Variants in KATNAL1 observed in about 807,000 individuals in gnomAD.
The protein encoded by KATNAL1 is katanin p60 ATPase-containing subunit A-like 1.
A neutral mutation model predicts 55.2 loss-of-function variants in KATNAL1; 32 were observed. That is an observed-to-expected ratio of 0.58 (90% CI 0.44 to 0.78). The LOEUF (loss-of-function observed/expected upper bound fraction) is 0.78, where lower values mean the gene tolerates loss of function less well. Ranked by LOEUF, KATNAL1 falls within the 30% of genes least tolerant of loss-of-function variation. The pLI is 0.00. For synonymous variants in KATNAL1, 193 were observed against 193.6 expected (o/e 1.00, Z 0.02); for missense variants, 466 against 600.9 (o/e 0.78, Z 2.35).
chr13:30,276,667 C>A (rs1274835004), intron 3 of KATNAL1, among the ~76,000 whole-genome samples: 2 of 152,060 alleles, frequency 1.3e-5, no homozygotes, highest in African/African-American at 4.8e-5. Context: ...TTTTCAGTTT[C>A]TTTATTCTTC....
At chr13:30,248,071 A>T (rs1340290328) in intron 4 of KATNAL1, among the ~76,000 whole-genome samples, 1 of 152,246 alleles carries the variant, frequency 6.6e-6, no homozygotes, top group East Asian at 1.9e-4. Context: ...TTCAATAAGG[A>T]TATACAAATT....
intron 9 of KATNAL1, among the ~76,000 whole-genome samples, chr13:30,214,142 A>G (rs1368820053): frequency 6.6e-6 from 1 of 152,170 alleles, no homozygotes; most frequent in Non-Finnish European, 1.5e-5. Flanking sequence ...AGACAAACAG[A>G]GCCAAATCAT....
intron 9 of KATNAL1, among the ~76,000 whole-genome samples, chr13:30,226,482 G>C (rs867854464): frequency 6.6e-6 from 1 of 152,216 alleles, no homozygotes; most frequent in Non-Finnish European, 1.5e-5. Flanking sequence ...GCCAGACACA[G>C]TGAGTACATG....
At position 30,208,262 on chromosome 13, in the gene KATNAL1, G is replaced by A. The variant is rs748014178; in HGVS notation, c.*278C>T. ...CTGTATTCCTAAAATATCACACTGC[G>A]CCCTTGCTTCAGCCTCCCTGATAGA... is the stretch of plus-strand genomic sequence containing the variant. On this transcript the variant is annotated 3_prime_UTR_variant, in exon 11 of 11. Coordinates refer to ENST00000380615, the MANE Select transcript of KATNAL1 (RefSeq NM_032116.5). The A allele has an allele frequency of 6.6e-5, 19 of 287,968 alleles. No homozygotes were observed. The highest frequency in any genetic ancestry group is 1.9e-4 in the South Asian group (2 of 10,496). The allele number at this position is 287,968 out of a possible 1,614,324, so 17.8% of individuals were successfully genotyped here.
At chr13:30,238,777 G>C (rs1876951024) in intron 6 of KATNAL1, among the ~76,000 whole-genome samples, 1 of 152,182 alleles carries the variant, frequency 6.6e-6, no homozygotes, top group Non-Finnish European at 1.5e-5. Context: ...ATAGCTCAGG[G>C]ACTATGTCTT....
Position 30,205,015 on chromosome 13 carries a change from T to A in KATNAL1, c.*3525A>T, listed in dbSNP as rs1318389497. The A allele has an allele frequency of 6.6e-6, 1 of 152,242 alleles. No individual in the cohort carries two copies. Among genetic ancestry groups the A allele is most frequent in the Non-Finnish European group, 1.5e-5 (1 of 68,042 alleles). 9.4% of individuals were successfully genotyped at this position (152,242 alleles called of 1,614,324 possible). ...AAAGAAATTATGGGGGCAAAAGGTT[T>A]ATAGTAAACATGTCATGCTTATAAT... On this transcript the variant is annotated 3_prime_UTR_variant, in exon 11 of 11. Coordinates refer to ENST00000380615, the MANE Select transcript of KATNAL1 (RefSeq NM_032116.5).
intron 1 of KATNAL1, among the ~76,000 whole-genome samples, chr13:30,286,983 A>T (rs1232053510): frequency 6.6e-6 from 1 of 152,186 alleles, no homozygotes; most frequent in Non-Finnish European, 1.5e-5. Context: ...AATTTCTCCC[A>T]TTTGGAACAG....
chr13:30,207,363 T>C lies in KATNAL1; in HGVS notation c.*1177A>G, dbSNP rs563731425. The C allele has an allele frequency of 4.6e-5, 7 of 152,238 alleles. No individual in the cohort carries two copies. The highest frequency in any genetic ancestry group is 7.3e-5 in the Non-Finnish European group (5 of 68,040). 9.4% of individuals were successfully genotyped at this position (152,238 alleles called of 1,614,324 possible). The stretch of plus-strand genomic sequence containing the variant: ...TTAGTGTGTGTAAAAGTTCTCAACC[T>C]AGACAAGGACAAATTTTAGAATTTT... On this transcript the variant is annotated 3_prime_UTR_variant, in exon 11 of 11. Transcript: ENST00000380615.
At chr13:30,306,372 TAA>T (rs1034258120) in intron 1 of KATNAL1, among the ~76,000 whole-genome samples, 1 of 151,504 alleles carries the variant, frequency 6.6e-6, no homozygotes, top group South Asian at 2.1e-4. Flanking sequence ...TGCCTACTGC[TAA>T]AAAAGTCTGT....
intron 6 of KATNAL1, among the ~76,000 whole-genome samples, chr13:30,239,653 A>G (rs1267131894): frequency 6.6e-6 from 1 of 151,858 alleles, no homozygotes; most frequent in Non-Finnish European, 1.5e-5. Flanking sequence ...ATAAATTGAT[A>G]AAGTCAGATA....
intron 4 of KATNAL1, among the ~76,000 whole-genome samples, chr13:30,247,339 C>T (rs1877891295): frequency 6.6e-6 from 1 of 152,174 alleles, no homozygotes; most frequent in Non-Finnish European, 1.5e-5. Context: ...ATTTCAGTAT[C>T]ATGCCCTGCA....
intron 3 of KATNAL1, among the ~76,000 whole-genome samples, chr13:30,268,378 A>G (rs930986773): frequency 6.6e-6 from 1 of 152,248 alleles, no homozygotes; most frequent in African/African-American, 2.4e-5. Context: ...TACAAAATAA[A>G]TATGTTTAAT....
At chr13:30,304,560 G>A (rs1399616777) in intron 1 of KATNAL1, among the ~76,000 whole-genome samples, 7 of 152,042 alleles carry the variant, frequency 4.6e-5, no homozygotes, top group Non-Finnish European at 8.8e-5. Context: ...GAGCCACTGC[G>A]CCCGGCCTAC....
intron 10 of KATNAL1, among the ~76,000 whole-genome samples, chr13:30,209,695 T>G (rs903195124): frequency 6.6e-6 from 1 of 152,278 alleles, no homozygotes; most frequent in Non-Finnish European, 1.5e-5. Context: ...ATAATATTAC[T>G]TTAGGTTGAT....
At chr13:30,240,712 G>C in intron 5 of KATNAL1, 147 bp from the exon 6 acceptor site, 1 of 684,680 alleles carries the variant, frequency 1.5e-6, no homozygotes, top group South Asian at 2.1e-5. Flanking sequence ...AAAGATCAGT[G>C]AAAACATTAG....
intron 3 of KATNAL1, among the ~76,000 whole-genome samples, chr13:30,261,796 T>C (rs138988330): frequency 0.095 from 14,509 of 152,036 alleles, 922 homozygotes; most frequent in East Asian, 0.21. Context: ...ACTGTCAACA[T>C]TAGACAGATC....
chr13:30,270,415 G>A (rs1288545989), intron 3 of KATNAL1, among the ~76,000 whole-genome samples: 6 of 152,142 alleles, frequency 3.9e-5, no homozygotes, highest in Admixed American at 2.6e-4. Flanking sequence ...CCCCGTCTGG[G>A]AGGTGTACCC....
chr13:30,210,896 T>G (rs939498921), intron 9 of KATNAL1, among the ~76,000 whole-genome samples: 2 of 152,196 alleles, frequency 1.3e-5, no homozygotes, highest in Non-Finnish European at 1.5e-5. Context: ...TCCAGAACTC[T>G]TATCAGTAGT....
chr13:30,202,696 A>G lies in KATNAL1; in HGVS notation c.*5844T>C, dbSNP rs890643436. On this transcript the variant is annotated 3_prime_UTR_variant, in exon 11 of 11. Coordinates refer to ENST00000380615, the MANE Select transcript of KATNAL1 (RefSeq NM_032116.5). ...ATGCACAAACACAGCTAAGCTAATG[A>G]GATTAGCAAAGTAGCAGCACAAAAG... 1.4e-4 allele frequency: 21 copies of G among 152,256 alleles called. No individual in the cohort carries two copies. The highest frequency in any genetic ancestry group is 5.1e-4 in the African/African-American group (21 of 41,464). 9.4% of individuals were successfully genotyped at this position (152,256 alleles called of 1,614,324 possible).
Sources: allele counts gnomAD v4.1 joint callset (sites outside exome capture counted in the v4.1 genomes callset), GRCh38; gene constraint gnomAD v4.1.1; transcripts MANE v1.5; gene names NCBI Gene and HGNC (gene_info 2026-07-23, HGNC 2026-07-21).